The following HECW2 variants were observed in gnomAD, a reference collection of about 807,000 sequenced individuals.
HECW2 encodes E3 ubiquitin-protein ligase HECW2.
A neutral mutation model predicts 175.2 loss-of-function variants in HECW2; 61 were observed. The ratio of observed to expected loss-of-function variants is 0.35; its 90% confidence interval spans 0.28 to 0.43. The LOEUF is 0.43. Ranked by LOEUF, HECW2 falls within the 20% of genes least tolerant of loss-of-function variation. HECW2 has a pLI of 1.00. For missense variants in HECW2, 1,524 were observed against 2,000.5 expected, an observed-to-expected ratio of 0.76 and a Z score of 4.54; for synonymous variants, 671 against 731.0, an observed-to-expected ratio of 0.92 and a Z score of 1.32.
In HECW2 at chr2:196,319,471, C is replaced by T; in HGVS notation, c.1419G>A (p.Gln473=). ...AGGAAGATGGGTAACCCAGGTCTTG[C>T]TGGAACTCGTGATCTTCTTCATCTG... is the stretch of plus-strand genomic sequence containing the variant. ...IDSDEEDHEF[Q]QDLGYPSSLE... is the part of the protein sequence containing the mutation. Residue 473 remains glutamine, a synonymous_variant, in exon 9 of 29, where the codon CAG becomes CAA. Coordinates refer to ENST00000644978, the MANE Select transcript of HECW2 (RefSeq NM_001348768.2). The T allele has an allele frequency of 6.2e-7, 1 of 1,614,070 alleles. No individual in the cohort carries two copies. The highest frequency in any genetic ancestry group is 8.5e-7 in the Non-Finnish European group (1 of 1,179,982).
intron 1 of HECW2, among the ~76,000 whole-genome samples, chr2:196,520,508 T>G (rs1688323842): frequency 6.6e-6 from 1 of 152,240 alleles, no homozygotes; most frequent in Admixed American, 6.5e-5. Context: ...TCATAGGGCT[T>G]TTAAGACAGG....
intron 1 of HECW2, among the ~76,000 whole-genome samples, chr2:196,437,506 G>A (rs1695912086): frequency 6.6e-6 from 1 of 150,990 alleles, no homozygotes; most frequent in Non-Finnish European, 1.5e-5. Flanking sequence ...CAGCTACTCA[G>A]GAGGCTGAGG....
chr2:196,436,748 G>GTTT (rs11446539), intron 1 of HECW2, among the ~76,000 whole-genome samples: 3 of 146,728 alleles, frequency 2.0e-5, no homozygotes, highest in African/African-American at 2.5e-5. Context: ...AAAGAGTAAG[G>GTTT]TTTTTTTTTT....
chr2:196,321,820 T>C (rs993256253), intron 7 of HECW2, among the ~76,000 whole-genome samples: 1 of 152,248 alleles, frequency 6.6e-6, no homozygotes, highest in African/African-American at 2.4e-5. Flanking sequence ...TTTGCTCCAC[T>C]GTACAGTTTA....
At chr2:196,545,022 C>T (rs893862112) in intron 1 of HECW2, among the ~76,000 whole-genome samples, 1 of 152,128 alleles carries the variant, frequency 6.6e-6, no homozygotes, top group African/African-American at 2.4e-5. Context: ...TGTGAGTGGG[C>T]GTGTGGATGT....
intron 8 of HECW2, 126 bp from the exon 9 acceptor site, chr2:196,320,030 G>T: frequency 1.0e-6 from 1 of 975,246 alleles, no homozygotes; most frequent in Non-Finnish European, 1.5e-6. Context: ...CTACTGACTT[G>T]CTAAGATTCA....
intron 1 of HECW2, among the ~76,000 whole-genome samples, chr2:196,437,782 G>T (rs1695923680): frequency 6.6e-6 from 1 of 151,982 alleles, no homozygotes; most frequent in Non-Finnish European, 1.5e-5. Context: ...TAAAGCGGGA[G>T]AGAGAAAAAT....
chr2:196,495,897 G>A (rs189967138), intron 1 of HECW2, among the ~76,000 whole-genome samples: 103 of 152,132 alleles, frequency 6.8e-4, no homozygotes, highest in Non-Finnish European at 1.8e-4. Context: ...AGCAGTGGGC[G>A]GAAAGTATAA....
chr2:196,491,844 G>GA lies in HECW2; in HGVS notation c.-35-58387dup, dbSNP rs530819379. 6.6e-5 allele frequency among the ~76,000 whole-genome samples: 10 copies of GA among 151,548 alleles called. No homozygotes were observed. In the East Asian group the frequency reaches 1.7e-3, roughly 26 times the overall value. On this transcript the variant is annotated intron_variant, in intron 1 of 28. Transcript: ENST00000644978. ...TCTACATACTAGTACAATAATTAAAGAAAAAAAATTTATTTCCAAGTACAT... is the reference window on the plus strand; with the variant it reads ...TCTACATACTAGTACAATAATTAAAGAAAAAAAAATTTATTTCCAAGTACAT...
intron 1 of HECW2, among the ~76,000 whole-genome samples, chr2:196,521,439 C>A (rs1688380326): frequency 6.6e-6 from 1 of 151,726 alleles, no homozygotes; most frequent in South Asian, 2.1e-4. Context: ...ATTACAAAGT[C>A]ACTTGAATCC....
intron 1 of HECW2, among the ~76,000 whole-genome samples, chr2:196,448,329 C>A (rs943406475): frequency 3.9e-5 from 6 of 152,282 alleles, no homozygotes; most frequent in African/African-American, 1.4e-4. Context: ...TGTTATCATG[C>A]AGCTCTTAAT....
At chr2:196,267,479 T>A (rs1689561177) in intron 17 of HECW2, among the ~76,000 whole-genome samples, 1 of 152,118 alleles carries the variant, frequency 6.6e-6, no homozygotes, top group African/African-American at 2.4e-5. Context: ...GATGTGGTAC[T>A]GACGTTTGGA....
intron 17 of HECW2, among the ~76,000 whole-genome samples, chr2:196,266,939 C>A (rs1266516709): frequency 6.6e-6 from 1 of 152,144 alleles, no homozygotes; most frequent in African/African-American, 2.4e-5. Flanking sequence ...AGACACATAT[C>A]CATTTGCCTT....
At chr2:196,390,841 C>A (rs1045960105) in intron 2 of HECW2, among the ~76,000 whole-genome samples, 8 of 152,154 alleles carry the variant, frequency 5.3e-5, no homozygotes, top group African/African-American at 1.9e-4. Context: ...GAATGGGCTA[C>A]GTACTTAGAC....
intron 1 of HECW2, among the ~76,000 whole-genome samples, chr2:196,452,339 A>G (rs575435440): frequency 6.6e-6 from 1 of 152,330 alleles, no homozygotes; most frequent in East Asian, 1.9e-4. Flanking sequence ...TATTAAAATT[A>G]ATTTCATCTG....
Position 196,318,686 on chromosome 2 carries a change from T to C in HECW2, c.2204A>G (p.Glu735Gly). The C allele has an allele frequency of 6.3e-7, 1 of 1,590,838 alleles. No homozygotes were observed. Among genetic ancestry groups the C allele is most frequent in the Non-Finnish European group, 8.6e-7 (1 of 1,168,872 alleles). ...ATVPDQEELG[E>G]VWQRRGSLEG... The stretch of plus-strand genomic sequence containing the variant: ...CAGGCTCCCCCTCCGCTGCCAGACC[T>C]CCCCCAGCTCCTCCTGGTCAGGTAC... The change falls in exon 9 of 29, where the codon GAG becomes GGG. Residue 735 changes from glutamate (E) to glycine (G), a missense_variant. Transcript: ENST00000644978.
chr2:196,262,043 A>C (rs1445955814), intron 17 of HECW2, among the ~76,000 whole-genome samples: 1 of 152,204 alleles, frequency 6.6e-6, no homozygotes, highest in Non-Finnish European at 1.5e-5. Flanking sequence ...GTTAGAAGGA[A>C]TCTGTGGCAG....
intron 28 of HECW2, among the ~76,000 whole-genome samples, chr2:196,204,357 T>C (rs1390680385): frequency 6.6e-6 from 1 of 152,168 alleles, no homozygotes; most frequent in African/African-American, 2.4e-5. Flanking sequence ...TGTTTGTTTG[T>C]TTTATAATAG....
At chr2:196,291,234 C>A (rs1575366976) in intron 14 of HECW2, 2 of 152,242 alleles carry the variant, frequency 1.3e-5, no homozygotes, top group Non-Finnish European at 2.9e-5. Context: ...CTCCTTACTT[C>A]TTTCAGGTAT....
Sources: allele counts gnomAD v4.1 joint callset (sites outside exome capture counted in the v4.1 genomes callset), GRCh38; gene constraint gnomAD v4.1.1; transcripts MANE v1.5; gene names NCBI Gene and HGNC (gene_info 2026-07-23, HGNC 2026-07-21).